The following CAPRIN2 variants were observed in gnomAD, a reference collection of about 807,000 sequenced individuals.
CAPRIN2 encodes caprin-2.
Under a neutral mutation model 130.4 loss-of-function variants are expected in CAPRIN2, and 66 were observed. That is an observed-to-expected ratio of 0.51 (90% CI 0.42 to 0.62). The LOEUF is 0.62. CAPRIN2 is among the 20% of genes least tolerant of loss of function. The pLI is 0.00. For missense variants in CAPRIN2, 1,185 were observed against 1,246.6 expected (o/e 0.95, Z 0.74); for synonymous variants, 471 against 444.1 (o/e 1.06, Z -0.76).
At chr12:30,719,090 C>T in intron 12 of CAPRIN2, 1 of 1,613,632 alleles carries the variant, frequency 6.2e-7, no homozygotes, top group Non-Finnish European at 8.5e-7. Context: ...GTCTGCATGG[C>T]TTGAAAGGGT....
intron 13 of CAPRIN2, chr12:30,715,650 T>A (rs970832737): frequency 2.0e-5 from 5 of 250,122 alleles, no homozygotes; most frequent in African/African-American, 4.7e-5. Flanking sequence ...TAGTTAAAAA[T>A]GATTAAAATG....
chr12:30,719,003 C>T (rs2058529445), intron 12 of CAPRIN2, 76 bp downstream of exon 14: 1 of 1,483,432 alleles, frequency 6.7e-7, no homozygotes, highest in South Asian at 1.4e-5. Context: ...ACATAGTATC[C>T]AATAATTATG....
At chr12:30,747,497 G>A (rs1592298063) in intron 2 of CAPRIN2, among the ~76,000 whole-genome samples, 2 of 152,080 alleles carry the variant, frequency 1.3e-5, no homozygotes, top group Non-Finnish European at 2.9e-5. Flanking sequence ...GACCAACACG[G>A]AGAAACCCCA....
chr12:30,728,989 C>T (rs2061756859), exon 8 of CAPRIN2: 3 of 1,614,160 alleles, frequency 1.9e-6, no homozygotes, highest in Non-Finnish European at 1.7e-6. Flanking sequence ...ACATACCCTG[C>T]TTTGGATTTA....
chr12:30,751,113 C>T, exon 2 of CAPRIN2: 1 of 1,613,832 alleles, frequency 6.2e-7, no homozygotes, highest in South Asian at 1.1e-5. Context: ...TCAGGCGATC[C>T]TTATAATCCT....
exon 1 of CAPRIN2, chr12:30,753,845 C>A: frequency 7.1e-7 from 1 of 1,406,734 alleles, no homozygotes; most frequent in Non-Finnish European, 9.6e-7. Flanking sequence ...GAGGATGTTT[C>A]CAGAAATTCG....
chr12:30,712,761 G>A (rs1422024635), intron 15 of CAPRIN2, among the ~76,000 whole-genome samples: 26 of 83,894 alleles, frequency 3.1e-4, no homozygotes, highest in Non-Finnish European at 5.3e-4. Flanking sequence ...TTTTTTTTGA[G>A]ACAGAGTCTC....
chr12:30,719,482 T>C (rs2058707784), intron 12 of CAPRIN2: 1 of 410,564 alleles, frequency 2.4e-6, no homozygotes, highest in Non-Finnish European at 4.4e-6. Flanking sequence ...GGCTGAACTT[T>C]TTATACGCAC....
At chr12:30,729,239 T>G in exon 8 of CAPRIN2, 4 of 1,612,824 alleles carry the variant, frequency 2.5e-6, no homozygotes, top group Non-Finnish European at 3.4e-6. Context: ...GGAGATTTGG[T>G]TTTCTAGCAT....
intron 7 of CAPRIN2, among the ~76,000 whole-genome samples, 155 bp from the exon 9 acceptor site, chr12:30,729,480 CTCTTTCCTACTTT>C (rs1250560990): frequency 6.6e-6 from 1 of 152,182 alleles, no homozygotes; most frequent in Non-Finnish European, 1.5e-5. Context: ...TTTCCTACTT[CTCTTTCCTACTTT>C]CCTACTTTTC....
At chr12:30,722,906 TA>T (rs570347525) in intron 11 of CAPRIN2, among the ~76,000 whole-genome samples, 2 of 152,048 alleles carry the variant, frequency 1.3e-5, no homozygotes, top group Non-Finnish European at 2.9e-5. Context: ...TCTGTCTCAA[TA>T]AAACAACAAC....
intron 10 of CAPRIN2, among the ~76,000 whole-genome samples, chr12:30,723,809 C>A (rs2060117909): frequency 1.3e-5 from 2 of 152,090 alleles, no homozygotes; most frequent in South Asian, 4.1e-4. Context: ...TCTCTATTTA[C>A]TCTCACTTCA....
At chr12:30,725,065 A>C (rs2060504201) in intron 9 of CAPRIN2, among the ~76,000 whole-genome samples, 1 of 152,194 alleles carries the variant, frequency 6.6e-6, no homozygotes, top group African/African-American at 2.4e-5. Flanking sequence ...TCTTGACCTT[A>C]CTAAGGTCCT....
exon 5 of CAPRIN2, chr12:30,733,702 G>C: frequency 6.2e-7 from 1 of 1,612,944 alleles, no homozygotes; most frequent in Non-Finnish European, 8.5e-7. Flanking sequence ...GCTCCATCTG[G>C]TCTTCAACAC....
At chr12:30,739,487 A>T (rs778641761) in intron 3 of CAPRIN2, among the ~76,000 whole-genome samples, 2 of 152,208 alleles carry the variant, frequency 1.3e-5, no homozygotes, top group Non-Finnish European at 2.9e-5. Flanking sequence ...AATAATCTAT[A>T]CAACAAATCC....
chr12:30,712,283 C>T (rs116565697), intron 15 of CAPRIN2, among the ~76,000 whole-genome samples: 39 of 152,182 alleles, frequency 2.6e-4, no homozygotes, highest in African/African-American at 9.4e-4. Context: ...AGAAGGTACA[C>T]AATAAAAATA....
rs1479836389 is a variant in CAPRIN2 at position 30,710,102 on chromosome 12, C to T, written c.3034G>A (p.Val1012Ile). The T allele has an allele frequency of 6.2e-7, 1 of 1,613,978 alleles. No individual in the cohort carries two copies. The highest frequency in any genetic ancestry group is 1.3e-5 in the African/African-American group (1 of 74,886). ...ACCTCTTCATTCTTCATGAGGTTGA[C>T]ATACAGTGGCACATTCACTGCCAGC... is the stretch of plus-strand genomic sequence containing the variant. The change falls in exon 17 of 17, where the codon GTC becomes ATC. Residue 1012 changes from valine to isoleucine, a missense_variant. Transcript: ENST00000298892. This position sits in a 1 kb window ranked among gnomAD's most constrained non-coding sequence, Gnocchi z 4.8.
chr12:30,750,832 A>G (rs908972991), intron 2 of CAPRIN2, among the ~76,000 whole-genome samples: 2 of 151,314 alleles, frequency 1.3e-5, no homozygotes, highest in Non-Finnish European at 3.0e-5. Context: ...GACAGTCTAC[A>G]CTTTCACTCC....
At chr12:30,748,460 G>T (rs1467811515) in intron 2 of CAPRIN2, among the ~76,000 whole-genome samples, 1 of 152,218 alleles carries the variant, frequency 6.6e-6, no homozygotes, top group Non-Finnish European at 1.5e-5. Flanking sequence ...TTTAATCAAG[G>T]TGTGTACCTT....
Sources: gnomAD v4.1 joint callset for allele counts (sites outside exome capture counted in the v4.1 genomes callset) on GRCh38, gnomAD v4.1.1 for gene constraint, Gnocchi (gnomAD v3.1) non-coding constraint, MANE v1.5 for transcripts, NCBI Gene and HGNC (gene_info 2026-07-23, HGNC 2026-07-21) for gene names.